The following RBFOX1 variants were observed in gnomAD, a reference collection of about 807,000 sequenced individuals.
RBFOX1 encodes the protein RNA binding fox-1 homolog 1.
A neutral mutation model predicts 57.7 loss-of-function variants in RBFOX1; 8 were observed. The observed-to-expected ratio is 0.14, with a 90% CI of 0.08 to 0.25. The LOEUF (loss-of-function observed/expected upper bound fraction) is 0.25, where lower values mean the gene tolerates loss of function less well. RBFOX1 is among the 10% of genes least tolerant of loss of function. The pLI is 1.00. For missense variants in RBFOX1, 611 were observed against 548.5 expected (o/e 1.11, Z -1.14); for synonymous variants, 326 against 222.4 (o/e 1.47, Z -4.15).
At chr16:7,144,811 A>T (rs924585862) in intron 4 of RBFOX1, among the ~76,000 whole-genome samples, 2 of 152,182 alleles carry the variant, frequency 1.3e-5, no homozygotes, top group Admixed American at 6.5e-5. Context: ...GCTATGGAAT[A>T]AAAGAGTCTT....
chr16:6,896,447 C>A (rs552623950), intron 3 of RBFOX1, among the ~76,000 whole-genome samples: 3 of 152,230 alleles, frequency 2.0e-5, no homozygotes, highest in African/African-American at 7.2e-5. Context: ...TGGTAACTAT[C>A]CTTCTACTGT....
intron 4 of RBFOX1, among the ~76,000 whole-genome samples, chr16:7,466,516 T>G (rs982173848): frequency 5.3e-5 from 8 of 152,064 alleles, no homozygotes; most frequent in African/African-American, 1.7e-4. Flanking sequence ...AGATGTGAAG[T>G]TTGCTTCAAC....
chr16:7,640,292 T>C (rs979602190), intron 11 of RBFOX1, among the ~76,000 whole-genome samples: 3 of 152,222 alleles, frequency 2.0e-5, no homozygotes, highest in Non-Finnish European at 4.4e-5. Flanking sequence ...AAAGGGAAAG[T>C]TCTGCAAAGA....
intron 2 of RBFOX1, among the ~76,000 whole-genome samples, chr16:5,591,650 G>T (rs1161556671): frequency 6.6e-6 from 1 of 152,184 alleles, no homozygotes; most frequent in Non-Finnish European, 1.5e-5. Flanking sequence ...ATGAACAGAT[G>T]TGGAGTACTA....
chr16:7,213,327 C>A (rs531325080), intron 4 of RBFOX1, among the ~76,000 whole-genome samples: 1 of 152,056 alleles, frequency 6.6e-6, no homozygotes, highest in African/African-American at 2.4e-5. Flanking sequence ...GATCCAAGCC[C>A]AAACCAATTA....
At chr16:6,820,967 G>A (rs2091189472) in intron 3 of RBFOX1, among the ~76,000 whole-genome samples, 1 of 152,138 alleles carries the variant, frequency 6.6e-6, no homozygotes, top group Admixed American at 6.5e-5. Context: ...TATTGAATTT[G>A]TATTATGTGT....
chr16:6,708,409 C>G (rs78375754), intron 3 of RBFOX1, among the ~76,000 whole-genome samples: 1 of 152,150 alleles, frequency 6.6e-6, no homozygotes, highest in Non-Finnish European at 1.5e-5. Flanking sequence ...GAGTTAAGTT[C>G]TAAAATTATA....
intron 5 of RBFOX1, among the ~76,000 whole-genome samples, chr16:7,569,350 C>T (rs909975082): frequency 3.3e-5 from 5 of 152,120 alleles, no homozygotes; most frequent in African/African-American, 9.7e-5. Context: ...TTCCCCATGC[C>T]TTTCCTGGCC....
chr16:7,059,273 G>C (rs2053507607), intron 4 of RBFOX1, among the ~76,000 whole-genome samples: 2 of 152,128 alleles, frequency 1.3e-5, no homozygotes, highest in Admixed American at 1.3e-4. Context: ...GGAAGAAAAT[G>C]TAAGCCCCCC....
intron 2 of RBFOX1, among the ~76,000 whole-genome samples, chr16:5,564,656 AC>A (rs1431285362): frequency 6.6e-6 from 1 of 152,168 alleles, no homozygotes; most frequent in South Asian, 2.1e-4. Flanking sequence ...GGAGACTCAT[AC>A]CTATGTGACT....
At chr16:5,949,446 A>G (rs544512652) in intron 4 of RBFOX1, among the ~76,000 whole-genome samples, 1 of 150,514 alleles carries the variant, frequency 6.6e-6, no homozygotes, top group East Asian at 2.0e-4. Context: ...GAATGACGTG[A>G]ACCCGGGAGG....
At chr16:7,448,979 G>C (rs955285239) in intron 4 of RBFOX1, among the ~76,000 whole-genome samples, 2 of 134,662 alleles carry the variant, frequency 1.5e-5, no homozygotes, top group East Asian at 2.2e-4. Context: ...GCCCAGGCTG[G>C]AGTGCAATGG....
At chr16:7,011,741 C>T (rs2093663465) in intron 3 of RBFOX1, among the ~76,000 whole-genome samples, 6 of 152,096 alleles carry the variant, frequency 3.9e-5, no homozygotes. Context: ...GTCTCGATCT[C>T]CTGACCTCGT....
intron 3 of RBFOX1, among the ~76,000 whole-genome samples, chr16:6,926,903 T>C (rs34870472): frequency 6.6e-4 from 101 of 152,250 alleles, no homozygotes; most frequent in Admixed American, 2.3e-3. Context: ...TAGCAGGTAC[T>C]CCCTCAGGGC....
intron 2 of RBFOX1, among the ~76,000 whole-genome samples, chr16:5,544,693 G>T (rs920864839): frequency 6.6e-6 from 1 of 152,076 alleles, no homozygotes; most frequent in African/African-American, 2.4e-5. Context: ...ATATATCTTT[G>T]TATAGTACAT....
chr16:6,518,564 G>T (rs140482933), intron 2 of RBFOX1, among the ~76,000 whole-genome samples: 12 of 152,178 alleles, frequency 7.9e-5, no homozygotes, highest in African/African-American at 2.9e-4. Context: ...CACCTCCTGT[G>T]CTGGGAAAAC....
chr16:5,855,447 C>A (rs1316702496), intron 3 of RBFOX1, among the ~76,000 whole-genome samples: 1 of 152,084 alleles, frequency 6.6e-6, no homozygotes, highest in East Asian at 1.9e-4. Context: ...CTGTGGATAT[C>A]CAGTTTTCCC....
At position 7,216,226 on chromosome 16, in the gene RBFOX1, C is replaced by CACA. The variant is rs1363534736; in HGVS notation, c.27+164129_27+164130insCAA. Among the ~76,000 whole-genome samples, 14 of 152,304 alleles carry CACA rather than the reference C, an allele frequency of 9.2e-5. 1 individual carries two copies. The East Asian group carries it at 2.7e-3, about 29-fold the overall frequency. ...TTTCCACTTATTGGCTATTGTGAAT[C>CACA]ATGCCACTATCTGCATATTAGTTAA... On this transcript the variant is annotated intron_variant, in intron 4 of 15. Transcript: ENST00000550418.
intron 3 of RBFOX1, among the ~76,000 whole-genome samples, chr16:5,616,723 G>GTCCCTCTCCTCCTCCTGTCCCTTC: frequency 8.5e-6 from 1 of 117,178 alleles, no homozygotes; most frequent in Non-Finnish European, 1.6e-5. Flanking sequence ...ACCTCTTTCT[G>GTCCCTCTCCTCCTCCTGTCCCTTC]TCCCTCTCCT....
Sources: gnomAD v4.1 joint callset for allele counts (sites outside exome capture counted in the v4.1 genomes callset) on GRCh38, gnomAD v4.1.1 for gene constraint, MANE v1.5 for transcripts, NCBI Gene and HGNC (gene_info 2026-07-23, HGNC 2026-07-21) for gene names.